Variants in FAF2 observed in about 807,000 individuals in gnomAD.
The protein encoded by FAF2 is Fas associated factor family member 2.
Under a neutral mutation model 62.3 loss-of-function variants are expected in FAF2, and 9 were observed. That is an observed-to-expected ratio of 0.14 (90% CI 0.09 to 0.25). FAF2 has a LOEUF of 0.25. FAF2 is among the 10% of genes least tolerant of loss of function. FAF2 has a pLI of 1.00. For missense variants in FAF2, 368 were observed against 556.2 expected (o/e 0.66, Z 3.40); for synonymous variants, 202 against 198.0 (o/e 1.02, Z -0.17).
rs1258496645 is a variant in FAF2, at chr5:176,508,279, A to T, written c.*1329A>T. 1 of 152,176 alleles carries T rather than the reference A, an allele frequency of 6.6e-6. No individual in the cohort carries two copies. Among genetic ancestry groups the T allele is most frequent in the African/African-American group, 2.4e-5 (1 of 41,440 alleles). The allele number at this position is 152,176 out of a possible 1,614,324, so 9.4% of individuals were successfully genotyped here. A position where few individuals can be genotyped will look rare whatever the true frequency, so the allele number is the denominator to read the frequency against. On this transcript the variant is annotated 3_prime_UTR_variant, in exon 11 of 11. Transcript: ENST00000261942. ...CATGGGTCAGGCCATGTATTAACAG[A>T]TGCCAGTGCGCTCTGACAAGTATTC...
intron 4 of FAF2, among the ~76,000 whole-genome samples, chr5:176,491,479 G>A (rs1321273832): frequency 6.6e-6 from 1 of 152,142 alleles, no homozygotes; most frequent in African/African-American, 2.4e-5. Flanking sequence ...TTGCCCCTTT[G>A]AAGAGCAAGT....
intron 3 of FAF2, among the ~76,000 whole-genome samples, chr5:176,487,166 G>C (rs972741694): frequency 2.0e-5 from 3 of 152,090 alleles, no homozygotes; most frequent in African/African-American, 7.2e-5. Context: ...AAGCCTTTTT[G>C]TGGAGTACTT....
At chr5:176,467,356 G>A (rs754713393) in intron 1 of FAF2, among the ~76,000 whole-genome samples, 9 of 151,498 alleles carry the variant, frequency 5.9e-5, no homozygotes, top group Non-Finnish European at 8.8e-5. Context: ...TTTTGAGTCA[G>A]TGTCGCCCTT....
chr5:176,456,859 C>A (rs1216387827), intron 1 of FAF2, among the ~76,000 whole-genome samples: 1 of 152,170 alleles, frequency 6.6e-6, no homozygotes, highest in African/African-American at 2.4e-5. Flanking sequence ...TAGTTGACAT[C>A]TTTATGTTGC....
At chr5:176,499,162 G>T in intron 9 of FAF2, 77 bp downstream of exon 9, 1 of 1,339,654 alleles carries the variant, frequency 7.5e-7, no homozygotes, top group Non-Finnish European at 9.9e-7. Context: ...AGTGTGAAAG[G>T]AAAAAATGAT....
At chr5:176,485,993 G>A (rs3888233) in intron 2 of FAF2, among the ~76,000 whole-genome samples, 14,421 of 152,088 alleles carry the variant, frequency 0.095, 959 homozygotes, top group East Asian at 0.28. Flanking sequence ...TAACTCCAGG[G>A]GTACTGCCTA....
rs569947037 is a variant in FAF2, at chr5:176,505,514, CAT to C, written c.1156-1253_1156-1252del. Among the ~76,000 whole-genome samples the C allele has an allele frequency of 2.1e-3, 324 of 152,282 alleles. 4 individuals carry two copies. Among genetic ancestry groups the C allele is most frequent in the African/African-American group, 7.4e-3 (308 of 41,558 alleles). On this transcript the variant is annotated intron_variant, in intron 10 of 10. Transcript: ENST00000261942. ...TTGGGGAACAGGTGGTGTTTGGTTA[CAT>C]GAGTCAGTTCTTTAGTGGTGATTTG...
rs544394292 is a variant in FAF2 at position 176,468,143 on chromosome 5, C to T, written c.64-11045C>T. On this transcript the variant is annotated intron_variant, in intron 1 of 10. Coordinates refer to ENST00000261942, the MANE Select transcript of FAF2 (RefSeq NM_014613.3). The stretch of plus-strand genomic sequence containing the variant: ...TCTTGCCACTACACTCCAGCCTGGA[C>T]GACAAGAGTGAGAATCTGTCTCAAG... Among the ~76,000 whole-genome samples the T allele has an allele frequency of 1.8e-4, 27 of 152,118 alleles. No homozygotes were observed. In the South Asian group the frequency reaches 4.8e-3, roughly 27 times the overall value.
chr5:176,471,179 C>T (rs917173923), intron 1 of FAF2, among the ~76,000 whole-genome samples: 8 of 152,088 alleles, frequency 5.3e-5, no homozygotes, highest in Non-Finnish European at 8.8e-5. Context: ...TATTCTATGC[C>T]ATCATTCTCT....
intron 1 of FAF2, among the ~76,000 whole-genome samples, chr5:176,477,451 A>C (rs1561821221): frequency 6.6e-6 from 1 of 152,052 alleles, no homozygotes; most frequent in Non-Finnish European, 1.5e-5. Flanking sequence ...CCAGTCCTTT[A>C]GTGGGTTGTA....
intron 1 of FAF2, among the ~76,000 whole-genome samples, chr5:176,449,097 C>T (rs551162429): frequency 3.3e-5 from 5 of 152,286 alleles, no homozygotes; most frequent in African/African-American, 1.2e-4. Context: ...GATTCCTGTG[C>T]TTAACTATGC....
chr5:176,494,153 G>A lies in FAF2; in HGVS notation c.570-31G>A. 6.5e-7 allele frequency: 1 copy of A among 1,543,494 alleles called. No individual in the cohort carries two copies. The highest frequency in any genetic ancestry group is 8.8e-7 in the Non-Finnish European group (1 of 1,130,138). On this transcript the variant is annotated intron_variant, in intron 6 of 10. Coordinates refer to ENST00000261942, the MANE Select transcript of FAF2 (RefSeq NM_014613.3). This position sits in a 1 kb window ranked among gnomAD's most constrained non-coding sequence, Gnocchi z 4.0. Reference sequence around the variant, plus strand: ...GGTGACAGTTTATAGTCAGCAAGTTGTTCTCATATCCTTTTCATACCTTTC... The same window carrying A: ...GGTGACAGTTTATAGTCAGCAAGTTATTCTCATATCCTTTTCATACCTTTC...
At chr5:176,449,809 A>G (rs1758133554) in intron 1 of FAF2, among the ~76,000 whole-genome samples, 1 of 152,240 alleles carries the variant, frequency 6.6e-6, no homozygotes, top group African/African-American at 2.4e-5. Context: ...GTAGAATCCC[A>G]CTTACTATTT....
chr5:176,469,902 G>A (rs561459203), intron 1 of FAF2, among the ~76,000 whole-genome samples: 76 of 152,270 alleles, frequency 5.0e-4, no homozygotes, highest in African/African-American at 1.8e-3. Context: ...AAAGAGAGGA[G>A]TCTCACACAG....
chr5:176,493,329 G>A (rs1199206206), intron 5 of FAF2, among the ~76,000 whole-genome samples: 3 of 152,218 alleles, frequency 2.0e-5, no homozygotes, highest in Admixed American at 6.5e-5. Flanking sequence ...GAGATACAGA[G>A]ATGAGTGAGA....
chr5:176,457,037 A>T (rs965574960), intron 1 of FAF2, among the ~76,000 whole-genome samples: 1 of 152,066 alleles, frequency 6.6e-6, no homozygotes, highest in African/African-American at 2.4e-5. Context: ...CTGGGCATCG[A>T]TATTTATGAA....
chr5:176,486,409 C>T lies in FAF2; in HGVS notation c.187C>T (p.Pro63Ser), dbSNP rs748033981. The change falls in exon 3 of 11, where the codon CCA (proline) becomes TCA (serine). Residue 63 changes from proline to serine, a missense_variant. Physicochemically the swap from Pro to Ser is moderately conservative, Grantham distance 74. Coordinates refer to ENST00000261942, the MANE Select transcript of FAF2 (RefSeq NM_014613.3). The part of the protein sequence containing the change: ...EQEGVPSVFN[P>S]PPSRPLQVNT... ...AGAGGGCGTACCTAGTGTTTTCAAC[C>T]CACCTCCATCACGACCCCTGCAGGT... is the stretch of plus-strand genomic sequence containing the variant. 6.2e-7 allele frequency: 1 copy of T among 1,614,044 alleles called. No homozygotes were observed. The highest frequency in any genetic ancestry group is 8.5e-7 in the Non-Finnish European group (1 of 1,180,018).
Position 176,492,196 on chromosome 5 carries a change from T to C in FAF2, c.347T>C (p.Phe116Ser). ...TYYTILDIFR[F>S]ALRFIRPDPR... ...GATATTTATTCCTTCCTCCCCAGGT[T>C]TGCTCTTCGTTTTATACGGCCTGAC... The change falls in exon 5 of 11, where the codon TTT becomes TCT. Residue 116 changes from phenylalanine (F) to serine (S), a missense_variant and splice_region_variant. Coordinates refer to ENST00000261942, the MANE Select transcript of FAF2 (RefSeq NM_014613.3). 3.1e-6 allele frequency: 5 copies of C among 1,614,178 alleles called. No individual in the cohort carries two copies. Among genetic ancestry groups the C allele is most frequent in the Non-Finnish European group, 4.2e-6 (5 of 1,180,036 alleles).
At chr5:176,462,732 G>A (rs1206691427) in intron 1 of FAF2, among the ~76,000 whole-genome samples, 2 of 152,178 alleles carry the variant, frequency 1.3e-5, no homozygotes, top group Non-Finnish European at 2.9e-5. Flanking sequence ...AACATTTTGT[G>A]ACTTGACATT....
Sources: gnomAD v4.1 joint callset for allele counts (sites outside exome capture counted in the v4.1 genomes callset) on GRCh38, gnomAD v4.1.1 for gene constraint, Gnocchi (gnomAD v3.1) non-coding constraint, MANE v1.5 for transcripts, NCBI Gene and HGNC (gene_info 2026-07-23, HGNC 2026-07-21) for gene names.